The following GPHN variants were observed in gnomAD, a reference collection of about 807,000 sequenced individuals.
GPHN encodes the protein gephyrin.
GPHN carries 17 observed loss-of-function variants against 95.5 expected under a neutral mutation model. The ratio of observed to expected loss-of-function variants is 0.18; its 90% CI spans 0.12 to 0.27. The LOEUF (loss-of-function observed/expected upper bound fraction) is 0.27, where lower values mean the gene tolerates loss of function less well. GPHN is among the 10% of genes least tolerant of loss of function. The probability of loss-of-function intolerance (pLI) is 1.00; values close to 1 mark genes in which losing one functional copy is unlikely to be tolerated. For missense variants in GPHN, 660 were observed against 978.1 expected, an observed-to-expected ratio of 0.67 and a Z score of 4.34; for synonymous variants, 320 against 322.5, an observed-to-expected ratio of 0.99 and a Z score of 0.08.
chr14:67,609,543 A>G, the GPHN span, among the ~76,000 whole-genome samples: 4 of 151,966 alleles, frequency 2.6e-5, no homozygotes, highest in African/African-American at 9.7e-5. Flanking sequence ...CTTCCTGAAG[A>G]TGTGTGTGTG....
chr14:67,626,768 A>G, the GPHN span, among the ~76,000 whole-genome samples: 1 of 152,194 alleles, frequency 6.6e-6, no homozygotes, highest in Non-Finnish European at 1.5e-5. Flanking sequence ...CCACACACAA[A>G]CTTATATACA....
chr14:67,690,841 T>C, the GPHN span: 3 of 406,806 alleles, frequency 7.4e-6, no homozygotes, highest in East Asian at 1.4e-4. Flanking sequence ...AGATGACCTA[T>C]ACCTGATGCT....
chr14:67,725,331 CCCTTA>C, the GPHN span: 4 of 1,448,152 alleles, frequency 2.8e-6, no homozygotes, highest in African/African-American at 1.4e-5. Flanking sequence ...CCATCTATGG[CCCTTA>C]CATCAGAACC....
chr14:67,386,212 T>G, the GPHN span: 8 of 152,584 alleles, frequency 5.2e-5, no homozygotes, highest in Non-Finnish European at 1.2e-4. Context: ...AAATGCCAAA[T>G]GGAAAATGGT....
intron 9 of GPHN, among the ~76,000 whole-genome samples, chr14:66,980,301 T>G (rs2070568249): frequency 6.6e-6 from 1 of 152,124 alleles, no homozygotes; most frequent in Non-Finnish European, 1.5e-5. Flanking sequence ...ACCACAGCAT[T>G]TTTACATCCA....
At chr14:66,591,816 A>T (rs113332853) in intron 1 of GPHN, among the ~76,000 whole-genome samples, 8 of 152,228 alleles carry the variant, frequency 5.3e-5, no homozygotes. Flanking sequence ...TTTAAATTTC[A>T]TATGGAACCA....
At chr14:67,397,121 T>A in the GPHN span, among the ~76,000 whole-genome samples, 1 of 152,154 alleles carries the variant, frequency 6.6e-6, no homozygotes, top group Admixed American at 6.5e-5. Flanking sequence ...GTATTTTTAG[T>A]AGAGATGGGG....
At chr14:66,961,256 A>T (rs190638601) in intron 8 of GPHN, among the ~76,000 whole-genome samples, 1 of 152,120 alleles carries the variant, frequency 6.6e-6, no homozygotes, top group East Asian at 1.9e-4. Context: ...GAGTTCTGGT[A>T]AAGTTTATTC....
At chr14:66,661,899 A>G (rs2065680821) in intron 1 of GPHN, among the ~76,000 whole-genome samples, 1 of 152,102 alleles carries the variant, frequency 6.6e-6, no homozygotes. Flanking sequence ...GCTCTATGAA[A>G]CCATGGCCAT....
chr14:67,011,815 G>A (rs1167239390), intron 9 of GPHN, among the ~76,000 whole-genome samples: 15 of 147,972 alleles, frequency 1.0e-4, no homozygotes, highest in Admixed American at 8.8e-4. Context: ...TGTGTGTTGT[G>A]TGTATAAATA....
chr14:67,498,117 T>C, the GPHN span, among the ~76,000 whole-genome samples: 3 of 152,216 alleles, frequency 2.0e-5, no homozygotes, highest in Admixed American at 6.5e-5. Flanking sequence ...AGACCAAGAA[T>C]GTAACCACAC....
At chr14:67,539,458 G>A in the GPHN span, among the ~76,000 whole-genome samples, 1,911 of 152,182 alleles carry the variant, frequency 0.013, 17 homozygotes, top group Non-Finnish European at 0.018. Flanking sequence ...TTTAATTGTT[G>A]GGCCTTTCTC....
chr14:67,390,729 G>GT, the GPHN span: 1 of 1,613,088 alleles, frequency 6.2e-7, no homozygotes, highest in Non-Finnish European at 8.5e-7. Flanking sequence ...GCACCTTCCA[G>GT]TTTTTCCTCT....
At chr14:67,365,908 T>A in the GPHN span, among the ~76,000 whole-genome samples, 1 of 152,202 alleles carries the variant, frequency 6.6e-6, no homozygotes, top group African/African-American at 2.4e-5. Context: ...TGAGGATGTC[T>A]TATGCCTTAG....
intron 4 of GPHN, among the ~76,000 whole-genome samples, chr14:66,845,617 C>G (rs540413488): frequency 6.6e-6 from 1 of 152,100 alleles, no homozygotes; most frequent in South Asian, 2.1e-4. Context: ...ATGAAGATGA[C>G]TAAGATGAGG....
At chr14:67,691,252 G>C in the GPHN span, 2 of 1,604,592 alleles carry the variant, frequency 1.2e-6, no homozygotes, top group South Asian at 1.1e-5. Flanking sequence ...CCTCTGCAGG[G>C]ACAAGACGAT....
chr14:67,276,738 T>C, the GPHN span, among the ~76,000 whole-genome samples: 1 of 152,222 alleles, frequency 6.6e-6, no homozygotes, highest in African/African-American at 2.4e-5. Flanking sequence ...TACCAGGTTA[T>C]AGAAATTTTT....
chr14:67,132,770 T>C (rs1388110961), intron 17 of GPHN, among the ~76,000 whole-genome samples: 2 of 151,980 alleles, frequency 1.3e-5, no homozygotes, highest in African/African-American at 4.8e-5. Flanking sequence ...TAAAAAGTAA[T>C]GTCTTCCAGA....
At chr14:67,643,300 T>A in the GPHN span, among the ~76,000 whole-genome samples, 1 of 152,196 alleles carries the variant, frequency 6.6e-6, no homozygotes, top group Non-Finnish European at 1.5e-5. Flanking sequence ...AACAAAAATA[T>A]TGAATTCTAC....
Sources: gnomAD v4.1 joint callset for allele counts (sites outside exome capture counted in the v4.1 genomes callset) on GRCh38, gnomAD v4.1.1 for gene constraint, MANE v1.5 for transcripts, NCBI Gene and HGNC (gene_info 2026-07-23, HGNC 2026-07-21) for gene names.